RASAL3: variants seen among roughly 807,000 people sequenced by gnomAD.
RASAL3 encodes RAS protein activator like 3.
A neutral mutation model predicts 105.5 loss-of-function variants in RASAL3; 74 were observed. The observed-to-expected ratio is 0.70, with a 90% CI of 0.58 to 0.85. RASAL3 has a LOEUF of 0.85. Among genes scored for constraint, RASAL3 ranks in the 40% least tolerant of loss-of-function variants. The pLI is 0.00. For missense variants in RASAL3, 1,352 were observed against 1,392.0 expected (o/e 0.97, Z 0.46); for synonymous variants, 579 against 591.6 (o/e 0.98, Z 0.31).
Position 15,452,816 on chromosome 19 carries a change from C to G in RASAL3, c.2671-1G>C. 1 of 1,548,140 alleles carries G rather than the reference C, an allele frequency of 6.5e-7. No homozygotes were observed. The highest frequency in any genetic ancestry group is 8.7e-7 in the Non-Finnish European group (1 of 1,144,766). On this transcript the variant is annotated splice_acceptor_variant, in intron 15 of 17. Transcript: ENST00000343625. LOFTEE classifies it high-confidence loss of function. ...CCACCTCGCACTGCAGCTCTGCCAA[C>G]TGTGGTGGGAGAGCAGCTGTAATCT...
In RASAL3 at chr19:15,461,298, T is replaced by C. The variant is rs1970501340; in HGVS notation, c.466-2A>G. On this transcript the variant is annotated splice_acceptor_variant, in intron 3 of 17. Transcript: ENST00000343625. LOFTEE classifies it high-confidence loss of function. ...TCCCACCCGGGGCCTTCGAGGACCC[T>C]GTTCTCCCGCAGGAGTGGGTAGTCA... The C allele has an allele frequency of 6.2e-7, 1 of 1,612,720 alleles. No homozygotes were observed. Among genetic ancestry groups the C allele is most frequent in the Non-Finnish European group, 8.5e-7 (1 of 1,179,416 alleles).
In RASAL3 at chr19:15,464,249, C is replaced by A; in HGVS notation, c.110G>T (p.Gly37Val). Residue 37 changes from glycine (G) to valine (V), a missense_variant, in exon 2 of 18, where the codon GGG becomes GTG. By Grantham distance (109) the Gly-to-Val change is moderately radical (BLOSUM62 -3). Coordinates refer to ENST00000343625, the MANE Select transcript of RASAL3 (RefSeq NM_022904.3). ...TGGGGEKAAG[G>V]FRWGRFAGWG... ...GCCAGCAAAGCGGCCCCAGCGGAAC[C>A]CTCCAGCCGCCTTCTCCCCACCGCC... The A allele has an allele frequency of 6.2e-7, 1 of 1,608,668 alleles. No individual in the cohort carries two copies. The highest frequency in any genetic ancestry group is 8.5e-7 in the Non-Finnish European group (1 of 1,178,066).
chr19:15,453,392 C>A lies in RASAL3; in HGVS notation c.2385G>T (p.Glu795Asp). The change falls in exon 15 of 18, where the codon GAG becomes GAT. Residue 795 changes from glutamate (E) to aspartate (D), a missense_variant. By Grantham distance (45) the Glu-to-Asp change is conservative (BLOSUM62 2). This residue lies in a region of RASAL3 where 920 missense variants were observed against 919.6 expected (regional missense o/e 1.00). Transcript: ENST00000343625. This position sits in a 1 kb window ranked among gnomAD's most constrained non-coding sequence, Gnocchi z 4.2. ...CGTCCGGCCGTGGCCGGGCCCAACT[C>A]TCTGAGCGGCGAACGCTGCGCAGAG... ...SQSLRSVRRS[E>D]SWARPRPDEE... The A allele has an allele frequency of 6.7e-7, 1 of 1,481,772 alleles. No individual in the cohort carries two copies. Among genetic ancestry groups the A allele is most frequent in the Non-Finnish European group, 8.9e-7 (1 of 1,124,514 alleles). The allele number at this position is 1,481,772 out of a possible 1,614,324, so 91.8% of individuals were successfully genotyped here.
Position 15,457,821 on chromosome 19 carries a change from C to G in RASAL3, c.902G>C (p.Arg301Pro). The G allele has an allele frequency of 6.5e-7, 1 of 1,548,968 alleles. No homozygotes were observed. The highest frequency in any genetic ancestry group is 1.4e-5 in the African/African-American group (1 of 73,104). Residue 301 changes from arginine to proline, a missense_variant, in exon 9 of 18, where the codon CGG becomes CCG. Arg to Pro is a moderately radical substitution (Grantham distance 103). Transcript: ENST00000343625. This position sits in a 1 kb window ranked among gnomAD's most constrained non-coding sequence, Gnocchi z 8.6. Reference protein sequence around the residue: ...QFQPTQDNVEREETWLSVWVH... With the variant: ...QFQPTQDNVEPEETWLSVWVH... ...CCACACGCTCAGCCATGTCTCTTCCCGCTCCACGTTGTCCTGCAGATGGGA... is the reference window on the plus strand; with the variant it reads ...CCACACGCTCAGCCATGTCTCTTCCGGCTCCACGTTGTCCTGCAGATGGGA...
At position 15,464,271 on chromosome 19, in the gene RASAL3, C is replaced by A; in HGVS notation, c.88G>T (p.Gly30Cys). The change falls in exon 2 of 18, where the codon GGT becomes TGT. Residue 30 changes from glycine (G) to cysteine (C), a missense_variant. By Grantham distance (159) the Gly-to-Cys change is radical. Coordinates refer to ENST00000343625, the MANE Select transcript of RASAL3 (RefSeq NM_022904.3). ...AACCCTCCAGCCGCCTTCTCCCCAC[C>A]GCCCCCTGTGTGCCAGCGGTAGGAA... The part of the protein sequence containing the change: ...LTSYRWHTGG[G>C]GEKAAGGFRW... The A allele has an allele frequency of 6.2e-7, 1 of 1,610,070 alleles. No homozygotes were observed. The highest frequency in any genetic ancestry group is 8.5e-7 in the Non-Finnish European group (1 of 1,178,532).
At chr19:15,463,285 G>A (rs1053458500) in intron 2 of RASAL3, among the ~76,000 whole-genome samples, 1 of 151,924 alleles carries the variant, frequency 6.6e-6, no homozygotes, top group Non-Finnish European at 1.5e-5. Context: ...TAGAAACAGG[G>A]TTTTGCCATG....
In RASAL3 at chr19:15,457,950, C is replaced by T; in HGVS notation, c.889-116G>A. ...TTGCGTCGGGTCCCTAGGGAGATTG[C>T]TGGGCCTTTGGGGAAAGAAGTGGAG... On this transcript the variant is annotated intron_variant, in intron 8 of 17. Transcript: ENST00000343625. This position sits in a 1 kb window ranked among gnomAD's most constrained non-coding sequence, Gnocchi z 8.6. 1 of 1,238,790 alleles carries T rather than the reference C, an allele frequency of 8.1e-7. No homozygotes were observed. The highest frequency in any genetic ancestry group is 1.1e-6 in the Non-Finnish European group (1 of 898,604). 76.7% of individuals were successfully genotyped at this position (1,238,790 alleles called of 1,614,324 possible).
Position 15,458,199 on chromosome 19 carries a change from C to A in RASAL3, c.888+129G>T, listed in dbSNP as rs1013202084. The A allele has an allele frequency of 3.6e-6, 3 of 822,082 alleles. No individual in the cohort carries two copies. The African/African-American group carries it at 5.1e-5, about 14-fold the overall frequency. The allele number at this position is 822,082 out of a possible 1,614,324, so 50.9% of individuals were successfully genotyped here. ...TGGAAGGGGAGTCTTGGAGCCGTTG[C>A]AACGATGCAGGCGGGGCAGGTGTGT... is the stretch of plus-strand genomic sequence containing the variant. On this transcript the variant is annotated intron_variant, in intron 8 of 17. Transcript: ENST00000343625.
chr19:15,452,780 A>G lies in RASAL3; in HGVS notation c.2706T>C (p.Arg902=). ...AELQCEVAAL[R]EEQKVLSRLV... Reference sequence around the variant, plus strand: ...GGCGGGACAGCACTTTCTGCTCCTCACGCAGAGCGGCCACCTCGCACTGCA... The same window carrying G: ...GGCGGGACAGCACTTTCTGCTCCTCGCGCAGAGCGGCCACCTCGCACTGCA... Residue 902 remains arginine (R), a synonymous_variant, in exon 16 of 18, where the codon CGT becomes CGC. Transcript: ENST00000343625. The G allele has an allele frequency of 1.3e-6, 2 of 1,564,582 alleles. No individual in the cohort carries two copies. The highest frequency in any genetic ancestry group is 1.7e-6 in the Non-Finnish European group (2 of 1,154,136).
At position 15,457,246 on chromosome 19, in the gene RASAL3, C is replaced by G. The variant is rs1420226262; in HGVS notation, c.1431+46G>C. 8.1e-7 allele frequency: 1 copy of G among 1,232,848 alleles called. No individual in the cohort carries two copies. The highest frequency in any genetic ancestry group is 1.0e-6 in the Non-Finnish European group (1 of 983,554). 76.4% of individuals were successfully genotyped at this position (1,232,848 alleles called of 1,614,324 possible). A position where few individuals can be genotyped will look rare whatever the true frequency, so the allele number is the denominator to read the frequency against. On this transcript the variant is annotated intron_variant, in intron 9 of 17. Coordinates refer to ENST00000343625, the MANE Select transcript of RASAL3 (RefSeq NM_022904.3). The surrounding 1 kb of genome is among the most constrained non-coding windows in gnomAD (Gnocchi z 8.6). ...CCAACTCCTGCCCGAAGCGCGTTAT[C>G]GGTCTACCCCTGGTAGCCCCGGTCC... is the stretch of plus-strand genomic sequence containing the variant.
rs1970501021 is a variant in RASAL3 at position 15,461,293 on chromosome 19, GAC to G, written c.467_468del (p.Gly156AlafsTer10). On this transcript the variant is annotated frameshift_variant and splice_region_variant, in exon 4 of 18. Transcript: ENST00000343625. LOFTEE classifies it high-confidence loss of function. ...GCACTTCCCACCCGGGGCCTTCGAG[GAC>G]CCTGTTCTCCCGCAGGAGTGGGTAG... ...KLVLLGGEEE[G>X]PRRPRVGSAS... 1.2e-6 allele frequency: 2 copies of G among 1,613,158 alleles called. No individual in the cohort carries two copies. Among genetic ancestry groups the G allele is most frequent in the Non-Finnish European group, 1.7e-6 (2 of 1,179,608 alleles).
chr19:15,457,282 G>T lies in RASAL3; in HGVS notation c.1431+10C>A, dbSNP rs2145469288. On this transcript the variant is annotated intron_variant, in intron 9 of 17. Coordinates refer to ENST00000343625, the MANE Select transcript of RASAL3 (RefSeq NM_022904.3). This position sits in a 1 kb window ranked among gnomAD's most constrained non-coding sequence, Gnocchi z 8.6. ...TGGTAGCCCCGGTCCGCGCTGTCGC[G>T]GTGCCGCACCTGCGCCCGGCCGGTG... 1.6e-6 allele frequency: 2 copies of T among 1,276,626 alleles called. No homozygotes were observed. Among genetic ancestry groups the T allele is most frequent in the East Asian group, 6.8e-5 (2 of 29,246 alleles). The allele number at this position is 1,276,626 out of a possible 1,614,324, so 79.1% of individuals were successfully genotyped here. A position where few individuals can be genotyped will look rare whatever the true frequency, so the allele number is the denominator to read the frequency against.
Position 15,464,500 on chromosome 19 carries a change from C to A in RASAL3, c.-20+5G>T. The A allele has an allele frequency of 1.2e-6, 1 of 841,666 alleles. No individual in the cohort carries two copies. Among genetic ancestry groups the A allele is most frequent in the African/African-American group, 1.7e-5 (1 of 59,058 alleles). The allele number at this position is 841,666 out of a possible 1,614,324, so 52.1% of individuals were successfully genotyped here. On this transcript the variant is annotated splice_donor_5th_base_variant and intron_variant, in intron 1 of 17. Transcript: ENST00000343625. ...CCCTGCCCCCACCTCCACTCCCTCC[C>A]TTACCTTGGTTTCCTGACCAGCCCC... is the stretch of plus-strand genomic sequence containing the variant.
chr19:15,458,681 C>T (rs754994747), intron 6 of RASAL3, 26 bp from the exon 7 acceptor site: 9 of 1,606,342 alleles, frequency 5.6e-6, no homozygotes, highest in Non-Finnish European at 6.8e-6. Context: ...GTGAGCACAC[C>T]GTCATTCCTG....
chr19:15,452,654 T>A lies in RASAL3; in HGVS notation c.2828+4A>T. The A allele has an allele frequency of 6.5e-7, 1 of 1,537,092 alleles. No homozygotes were observed. The highest frequency in any genetic ancestry group is 8.8e-7 in the Non-Finnish European group (1 of 1,139,766). On this transcript the variant is annotated splice_donor_region_variant and intron_variant, in intron 16 of 17. Transcript: ENST00000343625. ...GCGGAGCTAATGGAGAGGGCTGGGC[T>A]CACCCAGCACGGAGCCTGGAGTCCA...
rs907761240 is a variant in RASAL3 at position 15,459,958 on chromosome 19, G to A, written c.662+245C>T. On this transcript the variant is annotated intron_variant, in intron 6 of 17. Coordinates refer to ENST00000343625, the MANE Select transcript of RASAL3 (RefSeq NM_022904.3). ...TCCACCCTTCAGATCTCAGCTCAAG[G>A]GTACCTTCCCTAACCCTCCCAGACC... Among the ~76,000 whole-genome samples, 5 of 152,080 alleles carry A rather than the reference G, an allele frequency of 3.3e-5. 1 individual carries two copies. The South Asian group carries it at 8.3e-4, about 25-fold the overall frequency.
At position 15,453,320 on chromosome 19, in the gene RASAL3, ACT is replaced by A. The variant is rs769208217; in HGVS notation, c.2455_2456del (p.Ser819CysfsTer84). On this transcript the variant is annotated frameshift_variant, in exon 15 of 18. Coordinates refer to ENST00000343625, the MANE Select transcript of RASAL3 (RefSeq NM_022904.3). LOFTEE classifies it high-confidence loss of function. This position sits in a 1 kb window ranked among gnomAD's most constrained non-coding sequence, Gnocchi z 4.2. ...GGCGGGCAGGACGCCGGACCGGGACACTCTGCGTGCGCTGCACCGGCCGGGGC... is the reference window on the plus strand; with the variant it reads ...GGCGGGCAGGACGCCGGACCGGGACACTGCGTGCGCTGCACCGGCCGGGGC... ...RRPRPVQRTQSVPVRRPARRR... is the reference protein window; with the variant it reads ...RRPRPVQRTQXVPVRRPARRR... 9.1e-5 allele frequency: 135 copies of A among 1,476,982 alleles called. No individual in the cohort carries two copies. The highest frequency in any genetic ancestry group is 1.2e-4 in the Non-Finnish European group (131 of 1,119,312). The allele number at this position is 1,476,982 out of a possible 1,614,324, so 91.5% of individuals were successfully genotyped here.
intron 2 of RASAL3, 36 bp downstream of exon 2, chr19:15,463,995 A>G: frequency 2.0e-6 from 3 of 1,507,742 alleles, no homozygotes; most frequent in Non-Finnish European, 2.7e-6. Flanking sequence ...CCGGCTTCCC[A>G]GCCCGGCCCA....
At position 15,456,854 on chromosome 19, in the gene RASAL3, CCTGGGCCCCGCCCCTCACGCGTGATG is replaced by C. The variant is rs879857827; in HGVS notation, c.1432-234_1432-209del. 3.8e-4 allele frequency: 243 copies of C among 635,770 alleles called. No individual in the cohort carries two copies. The highest frequency in any genetic ancestry group is 3.6e-3 in the African/African-American group (195 of 54,508). 39.4% of individuals were successfully genotyped at this position (635,770 alleles called of 1,614,324 possible). ...TAAGCCTTTCAGCGCTGAGGTGCAA[CCTGGGCCCCGCCCCTCACGCGTGATG>C]CTCAGGCCCCTGTCGCAGCTGAAGC... On this transcript the variant is annotated intron_variant, in intron 9 of 17. Coordinates refer to ENST00000343625, the MANE Select transcript of RASAL3 (RefSeq NM_022904.3). The surrounding 1 kb of genome is among the most constrained non-coding windows in gnomAD (Gnocchi z 4.4).
Sources: gnomAD v4.1 joint callset for allele counts (sites outside exome capture counted in the v4.1 genomes callset) on GRCh38, gnomAD v4.1.1 for gene constraint, gnomAD v4.1.1 regional missense constraint, Gnocchi (gnomAD v3.1) non-coding constraint, MANE v1.5 for transcripts, NCBI Gene and HGNC (gene_info 2026-07-23, HGNC 2026-07-21) for gene names.